The following DPP10 variants were observed in gnomAD, a reference collection of about 807,000 sequenced individuals.
The protein encoded by DPP10 is inactive dipeptidyl peptidase 10.
In DPP10, 33 loss-of-function variants were observed where a neutral mutation model predicts 120.9. That is an observed-to-expected ratio of 0.27 (90% CI 0.21 to 0.37). The LOEUF is 0.37. Among genes scored for constraint, DPP10 ranks in the 10% least tolerant of loss-of-function variants. The pLI is 1.00. For synonymous variants in DPP10, 337 were observed against 326.1 expected, an observed-to-expected ratio of 1.03 and a Z score of -0.36; for missense variants, 816 against 942.8, an observed-to-expected ratio of 0.87 and a Z score of 1.76.
intron 1 of DPP10, among the ~76,000 whole-genome samples, chr2:115,186,579 G>A (rs549425446): frequency 1.3e-5 from 2 of 152,190 alleles, no homozygotes; most frequent in African/African-American, 2.4e-5. Context: ...CAGATAGGAC[G>A]AAGAAGGGGG....
intron 2 of DPP10, among the ~76,000 whole-genome samples, chr2:115,316,780 T>C (rs1244264289): frequency 6.6e-6 from 1 of 152,168 alleles, no homozygotes; most frequent in African/African-American, 2.4e-5. Context: ...TATGATTAGA[T>C]AGTCTGGTCT....
intron 1 of DPP10, among the ~76,000 whole-genome samples, chr2:114,988,334 TC>T (rs1700551682): frequency 6.6e-6 from 1 of 152,242 alleles, no homozygotes; most frequent in Admixed American, 6.5e-5. Flanking sequence ...TATCAAATGA[TC>T]ATTTTGTAAA....
At chr2:115,039,951 G>T (rs1704511599) in intron 1 of DPP10, among the ~76,000 whole-genome samples, 1 of 151,872 alleles carries the variant, frequency 6.6e-6, no homozygotes, top group Admixed American at 6.6e-5. Flanking sequence ...GCCCATACAG[G>T]AGGAAGACTA....
intron 1 of DPP10, among the ~76,000 whole-genome samples, chr2:115,171,713 C>G (rs2053348326): frequency 6.7e-6 from 1 of 149,828 alleles, no homozygotes; most frequent in East Asian, 2.0e-4. Flanking sequence ...TTAAGTATAA[C>G]CTTAAAAAAA....
intron 1 of DPP10, among the ~76,000 whole-genome samples, chr2:115,237,387 C>A (rs184287971): frequency 5.3e-5 from 8 of 152,190 alleles, no homozygotes; most frequent in East Asian, 1.9e-4. Flanking sequence ...GCTGCTCCAC[C>A]GACTAGCTGT....
intron 5 of DPP10, among the ~76,000 whole-genome samples, chr2:115,590,830 T>C (rs3980958): frequency 0.99 from 150,383 of 152,214 alleles, 74,314 homozygotes; most frequent in Non-Finnish European, 1. Flanking sequence ...CCAGCACCTG[T>C]TGTTTCCTGA....
intron 3 of DPP10, among the ~76,000 whole-genome samples, chr2:115,427,495 C>T (rs573628678): frequency 6.6e-6 from 1 of 152,220 alleles, no homozygotes. Context: ...GGCTTATGCT[C>T]TCTGGAGTGG....
intron 4 of DPP10, among the ~76,000 whole-genome samples, chr2:115,509,415 C>A (rs990067540): frequency 1.3e-5 from 2 of 152,072 alleles, no homozygotes; most frequent in Non-Finnish European, 2.9e-5. Flanking sequence ...GGGGAGTTAA[C>A]CATTGAGATG....
At chr2:114,581,775 T>G (rs928369652) in intron 1 of DPP10, among the ~76,000 whole-genome samples, 1 of 152,194 alleles carries the variant, frequency 6.6e-6, no homozygotes, top group Non-Finnish European at 1.5e-5. Flanking sequence ...TCCTTTAATA[T>G]AATCTACCCA....
At chr2:115,716,293 A>T (rs544756221) in intron 7 of DPP10, among the ~76,000 whole-genome samples, 12 of 152,308 alleles carry the variant, frequency 7.9e-5, no homozygotes, top group African/African-American at 2.6e-4. Flanking sequence ...ATTAGGCATT[A>T]CTCTGTTGAA....
intron 1 of DPP10, among the ~76,000 whole-genome samples, chr2:114,622,456 G>T (rs1241941884): frequency 6.9e-6 from 1 of 144,988 alleles, no homozygotes; most frequent in African/African-American, 2.6e-5. Context: ...CTCCATGATT[G>T]CTATATCTTG....
At chr2:115,182,209 T>C (rs1193828210) in intron 1 of DPP10, among the ~76,000 whole-genome samples, 1 of 152,148 alleles carries the variant, frequency 6.6e-6, no homozygotes, top group Non-Finnish European at 1.5e-5. Context: ...CTAGAGTAAT[T>C]TTGTGTCAAA....
intron 3 of DPP10, among the ~76,000 whole-genome samples, chr2:115,381,515 G>A (rs10166761): frequency 0.17 from 26,347 of 151,970 alleles, 2,521 homozygotes; most frequent in East Asian, 0.35. Flanking sequence ...CCCATAGCTC[G>A]GAGAAATTTG....
rs796468611 is a variant in DPP10 at position 114,453,982 on chromosome 2, G to A, written c.60+11144G>A. ...CCGACATCTTTTCTCTTCTCTCCTT[G>A]CTTGGGATGAAGGAGAAAAGCAAGG... On this transcript the variant is annotated intron_variant, in intron 1 of 25. Transcript: ENST00000410059. Among the ~76,000 whole-genome samples the A allele has an allele frequency of 7.2e-5, 11 of 152,178 alleles. 1 individual carries two copies. The highest frequency in any genetic ancestry group is 2.6e-4 in the African/African-American group (11 of 41,528).
At chr2:115,310,925 T>C (rs1268660796) in intron 2 of DPP10, among the ~76,000 whole-genome samples, 1 of 152,206 alleles carries the variant, frequency 6.6e-6, no homozygotes, top group Non-Finnish European at 1.5e-5. Flanking sequence ...GCCCAGTGAT[T>C]CACTTTCTCA....
intron 1 of DPP10, among the ~76,000 whole-genome samples, chr2:115,267,967 T>A (rs1257955557): frequency 6.6e-6 from 1 of 152,194 alleles, no homozygotes; most frequent in Non-Finnish European, 1.5e-5. Flanking sequence ...ACACAGAGAT[T>A]TGCATAGAGC....
At chr2:115,578,291 A>G (rs2081803808) in intron 5 of DPP10, among the ~76,000 whole-genome samples, 1 of 152,182 alleles carries the variant, frequency 6.6e-6, no homozygotes, top group Admixed American at 6.5e-5. Context: ...TCCAATGACA[A>G]AATACATATG....
intron 7 of DPP10, among the ~76,000 whole-genome samples, chr2:115,695,143 A>G (rs971569632): frequency 6.6e-6 from 1 of 152,168 alleles, no homozygotes; most frequent in African/African-American, 2.4e-5. Context: ...TTCAAAGGCA[A>G]CTGAATGTAT....
At chr2:114,558,491 T>C (rs1417085538) in intron 1 of DPP10, among the ~76,000 whole-genome samples, 35 of 152,260 alleles carry the variant, frequency 2.3e-4, no homozygotes, top group Non-Finnish European at 4.4e-5. Context: ...CATAAGGAGA[T>C]AGTCTTTGAA....
Sources: allele counts gnomAD v4.1 joint callset (sites outside exome capture counted in the v4.1 genomes callset), GRCh38; gene constraint gnomAD v4.1.1; transcripts MANE v1.5; gene names NCBI Gene and HGNC (gene_info 2026-07-23, HGNC 2026-07-21).